AR: variants seen among roughly 807,000 people sequenced by gnomAD.
AR encodes dihydrotestosterone receptor.
A neutral mutation model predicts 53.9 loss-of-function variants in AR; 8 were observed. The ratio of observed to expected loss-of-function variants is 0.15; its 90% CI spans 0.09 to 0.27. The LOEUF (loss-of-function observed/expected upper bound fraction) is 0.27. Among genes scored for constraint, AR ranks in the 10% least tolerant of loss-of-function variants. The pLI, the probability that AR is intolerant of heterozygous loss-of-function variation, is 1.00. For synonymous variants in AR, 359 were observed against 316.4 expected, an observed-to-expected ratio of 1.13 and a Z score of -1.43; for missense variants, 639 against 742.5, an observed-to-expected ratio of 0.86 and a Z score of 1.62.
intron 1 of AR, among the ~76,000 whole-genome samples, chrX:67,556,585 A>C (rs930652569): frequency 1.1e-4 from 12 of 112,050 alleles, no homozygotes; most frequent in Non-Finnish European, 1.9e-5. Flanking sequence ...AGAACAGACA[A>C]AAATCTCTTC....
intron 1 of AR, among the ~76,000 whole-genome samples, chrX:67,604,459 G>T (rs932303897): frequency 5.4e-5 from 6 of 110,788 alleles, no homozygotes; most frequent in East Asian, 2.8e-4. Context: ...GTTCATGTTT[G>T]TTCTAAGTCT....
chrX:67,659,749 G>T (rs1926782088), intron 2 of AR, among the ~76,000 whole-genome samples: 1 of 111,280 alleles, frequency 9.0e-6, no homozygotes, highest in Non-Finnish European at 1.9e-5. Flanking sequence ...GGGATGGCTG[G>T]GTCAAATGGT....
At chrX:67,620,830 T>C (rs1245297081) in intron 1 of AR, among the ~76,000 whole-genome samples, 1 of 111,755 alleles carries the variant, frequency 8.9e-6, no homozygotes, top group Non-Finnish European at 1.9e-5. Flanking sequence ...AGGATATTTG[T>C]ATCTTTGGGC....
At chrX:67,588,236 A>G (rs1389739690) in intron 1 of AR, among the ~76,000 whole-genome samples, 2 of 112,108 alleles carry the variant, frequency 1.8e-5, no homozygotes, top group Non-Finnish European at 1.9e-5. Context: ...CTCAAGGGTG[A>G]GTAGACCAGG....
chrX:67,617,435 A>G (rs781086949), intron 1 of AR, among the ~76,000 whole-genome samples: 1 of 111,676 alleles, frequency 9.0e-6, no homozygotes, highest in Non-Finnish European at 1.9e-5. Flanking sequence ...GACAGAAAGG[A>G]TGATAATGAA....
At chrX:67,572,480 T>C (rs1921861130) in intron 1 of AR, among the ~76,000 whole-genome samples, 1 of 111,613 alleles carries the variant, frequency 9.0e-6, no homozygotes, top group Admixed American at 9.5e-5. Flanking sequence ...GAATATCAGG[T>C]AAACTCTTAT....
At chrX:67,592,636 G>GAA (rs11380458) in intron 1 of AR, among the ~76,000 whole-genome samples, 1,723 of 91,342 alleles carry the variant, frequency 0.019, 50 homozygotes, top group Admixed American at 0.067. Flanking sequence ...AATATTCCCA[G>GAA]AAAAAAAAAA....
At position 67,626,633 on chromosome X, in the gene AR, TATTTA is replaced by T. The variant is rs1368404184; in HGVS notation, c.1617-16622_1617-16618del. On this transcript the variant is annotated intron_variant, in intron 1 of 7. Coordinates refer to ENST00000374690, the MANE Select transcript of AR (RefSeq NM_000044.6). The stretch of plus-strand genomic sequence containing the variant: ...TTTTATATATATATATATATATATA[TATTTA>T]TTATTATTATACTTTAAGTTTTAGG... 7.0e-5 allele frequency among the ~76,000 whole-genome samples: 7 copies of T among 100,207 alleles called. No individual in the cohort carries two copies. In the East Asian group the frequency reaches 1.8e-3, roughly 26 times the overall value. 87.0% of individuals were successfully genotyped at this position (100,207 alleles called of 115,157 possible).
In AR at chrX:67,546,562, C is replaced by CGGCGA; in HGVS notation, c.1421_1425dup (p.Gly476ArgfsTer5). ...GCGGCGGCGGCGGCGGCGGCGGCGG[C>CGGCGA]GGCGAGGCGGGAGCTGTAGCCCCCT... On this transcript the variant is annotated frameshift_variant, in exon 1 of 8. Transcript: ENST00000374690. LOFTEE classifies it high-confidence loss of function. 1 of 974,909 alleles carries CGGCGA rather than the reference C, an allele frequency of 1.0e-6. No individual in the cohort carries two copies. The highest frequency in any genetic ancestry group is 1.3e-6 in the Non-Finnish European group (1 of 772,611). 80.3% of individuals were successfully genotyped at this position (974,909 alleles called of 1,213,427 possible). A position where few individuals can be genotyped will look rare whatever the true frequency, so the allele number is the denominator to read the frequency against.
chrX:67,691,262 C>T (rs2075994018), intron 3 of AR, among the ~76,000 whole-genome samples: 1 of 112,153 alleles, frequency 8.9e-6, no homozygotes, highest in Non-Finnish European at 1.9e-5. Context: ...CTGGTTTAGA[C>T]CAAGGCAATT....
At chrX:67,621,033 T>G (rs998189297) in intron 1 of AR, among the ~76,000 whole-genome samples, 2 of 112,176 alleles carry the variant, frequency 1.8e-5, no homozygotes, top group Non-Finnish European at 3.8e-5. Flanking sequence ...TGATGGTTGT[T>G]ATATAGATTT....
At chrX:67,688,901 T>G (rs2147501400) in intron 3 of AR, among the ~76,000 whole-genome samples, 1 of 112,125 alleles carries the variant, frequency 8.9e-6, no homozygotes, top group East Asian at 2.8e-4. Flanking sequence ...TGTCTATTCC[T>G]TAAGGAGTAG....
chrX:67,560,877 A>G (rs950621317), intron 1 of AR, among the ~76,000 whole-genome samples: 5 of 111,921 alleles, frequency 4.5e-5, no homozygotes, highest in Admixed American at 3.8e-4. Flanking sequence ...GAAGTGATCT[A>G]TATGACACAA....
At chrX:67,630,664 G>T (rs1925034503) in intron 1 of AR, among the ~76,000 whole-genome samples, 2 of 109,900 alleles carry the variant, frequency 1.8e-5, no homozygotes, top group African/African-American at 6.6e-5. Context: ...TGTTATGTGT[G>T]AATTTTATCC....
chrX:67,630,979 C>T (rs761185216), intron 1 of AR, among the ~76,000 whole-genome samples: 1 of 111,762 alleles, frequency 8.9e-6, no homozygotes, highest in East Asian at 2.8e-4. Flanking sequence ...CTACTCTCTT[C>T]TGGCTTGTAA....
rs2147436102 is a variant in AR at position 67,643,306 on chromosome X, C to G, written c.1667C>G (p.Pro556Arg). The G allele has an allele frequency of 8.3e-7, 1 of 1,211,266 alleles. No homozygotes were observed. The highest frequency in any genetic ancestry group is 2.3e-4 in the Middle Eastern group (1 of 4,355). The change falls in exon 2 of 8, where the codon CCC (proline) becomes CGC (arginine). Residue 556 changes from proline to arginine, a missense_variant. Physicochemically the swap from Pro to Arg is moderately radical, Grantham distance 103. This residue lies in a region of AR where 423 missense variants were observed against 377.0 expected (regional missense o/e 1.12). Transcript: ENST00000374690. The stretch of plus-strand genomic sequence containing the variant: ...TTGCCCATTGACTATTACTTTCCAC[C>G]CCAGAAGACCTGCCTGATCTGTGGA... ...HVLPIDYYFP[P>R]QKTCLICGDE... is the part of the protein sequence containing the mutation.
At chrX:67,662,583 A>G (rs1464045303) in intron 2 of AR, among the ~76,000 whole-genome samples, 1 of 111,202 alleles carries the variant, frequency 9.0e-6, no homozygotes, top group Non-Finnish European at 1.9e-5. Context: ...CTGTTCTTTT[A>G]CATTTGCTGA....
At chrX:67,664,499 G>A (rs773758394) in intron 2 of AR, among the ~76,000 whole-genome samples, 37 of 111,734 alleles carry the variant, frequency 3.3e-4, no homozygotes, top group African/African-American at 9.4e-4. Context: ...AGGAATACCC[G>A]GATGTGTGAG....
In AR at chrX:67,724,257, T is replaced by C. The variant is rs1169063470; in HGVS notation, c.*416T>C. On this transcript the variant is annotated 3_prime_UTR_variant, in exon 8 of 8. Transcript: ENST00000374690. ...AGAGAGCTAAGATTATCTGGGGAAA[T>C]CAAAACAAAAACAAGCAAACAAAAA... 7 of 153,658 alleles carry C rather than the reference T, an allele frequency of 4.6e-5. No homozygotes were observed. Among genetic ancestry groups the C allele is most frequent in the Non-Finnish European group, 8.2e-5 (7 of 85,285 alleles). The allele number at this position is 153,658 out of a possible 1,213,427, so 12.7% of individuals were successfully genotyped here. A position where few individuals can be genotyped will look rare whatever the true frequency, so the allele number is the denominator to read the frequency against.
Sources: gnomAD v4.1 joint callset for allele counts (sites outside exome capture counted in the v4.1 genomes callset) on GRCh38, gnomAD v4.1.1 for gene constraint, gnomAD v4.1.1 regional missense constraint, MANE v1.5 for transcripts, NCBI Gene and HGNC (gene_info 2026-07-23, HGNC 2026-07-21) for gene names.